The following KPNA6 variants were observed in gnomAD, a reference collection of about 807,000 sequenced individuals.
KPNA6 encodes karyopherin subunit alpha 6.
Under a neutral mutation model 72.0 loss-of-function variants are expected in KPNA6, and 9 were observed. That is an observed-to-expected ratio of 0.13 (90% CI 0.08 to 0.22). The LOEUF is 0.22. KPNA6 is among the 10% of genes least tolerant of loss of function. The probability of loss-of-function intolerance (pLI) is 1.00; values close to 1 mark genes in which losing one functional copy is unlikely to be tolerated. For synonymous variants in KPNA6, 219 were observed against 242.1 expected, an observed-to-expected ratio of 0.90 and a Z score of 0.89; for missense variants, 374 against 655.7, an observed-to-expected ratio of 0.57 and a Z score of 4.69.
intron 13 of KPNA6, among the ~76,000 whole-genome samples, chr1:32,170,401 A>G (rs542686847): frequency 1.3e-5 from 2 of 152,306 alleles, no homozygotes; most frequent in East Asian, 1.9e-4. Flanking sequence ...GGCTGTACCT[A>G]TAAGAGTGCT....
At chr1:32,166,823 A>G (rs1642348464) in intron 11 of KPNA6, among the ~76,000 whole-genome samples, 1 of 151,222 alleles carries the variant, frequency 6.6e-6, no homozygotes, top group South Asian at 2.1e-4. Context: ...CTGTAGTCAC[A>G]GCTAGTCGGG....
At chr1:32,117,765 C>T (rs1641353939) in intron 1 of KPNA6, among the ~76,000 whole-genome samples, 1 of 152,146 alleles carries the variant, frequency 6.6e-6, no homozygotes, top group Admixed American at 6.6e-5. Context: ...GGAGAGGTTT[C>T]AGTAACTTGG....
chr1:32,155,823 T>A (rs1427543400), intron 2 of KPNA6, among the ~76,000 whole-genome samples: 1 of 151,488 alleles, frequency 6.6e-6, no homozygotes, highest in African/African-American at 2.4e-5. Flanking sequence ...CACTGCAGCC[T>A]CAAGCTCCCG....
intron 10 of KPNA6, among the ~76,000 whole-genome samples, chr1:32,165,761 G>A (rs1642321121): frequency 6.6e-6 from 1 of 151,980 alleles, no homozygotes. Context: ...ACTTTGGGAG[G>A]CCGAGGCAGG....
intron 1 of KPNA6, among the ~76,000 whole-genome samples, chr1:32,129,358 GT>G (rs1641596442): frequency 6.6e-6 from 1 of 151,506 alleles, no homozygotes; most frequent in Non-Finnish European, 1.5e-5. Context: ...TAGGGGTGGG[GT>G]TTCGCCATGT....
At chr1:32,114,453 T>A (rs12401811) in intron 1 of KPNA6, among the ~76,000 whole-genome samples, 34,454 of 139,024 alleles carry the variant, frequency 0.25, 5,122 homozygotes, top group African/African-American at 0.46. Context: ...AAAAAAAAAA[T>A]ATATATATAT....
intron 1 of KPNA6, among the ~76,000 whole-genome samples, chr1:32,124,435 GGAGGCCAAGGCGGGAGGATTGCTT>G (rs1641495129): frequency 6.6e-6 from 1 of 151,704 alleles, no homozygotes; most frequent in Admixed American, 6.6e-5. Context: ...CAGCACTTTG[GGAGGCCAAGGCGGGAGGATTGCTT>G]GAGGCCAGGA....
intron 1 of KPNA6, among the ~76,000 whole-genome samples, chr1:32,149,590 G>A (rs1641993032): frequency 6.6e-6 from 1 of 152,152 alleles, no homozygotes; most frequent in South Asian, 2.1e-4. Context: ...GTGTGTCCAT[G>A]TGCCTTATTT....
chr1:32,119,626 C>A (rs1641395523), intron 1 of KPNA6, among the ~76,000 whole-genome samples: 1 of 152,132 alleles, frequency 6.6e-6, no homozygotes, highest in African/African-American at 2.4e-5. Flanking sequence ...ACGGGACAAC[C>A]CTATTTCCTG....
In KPNA6 at chr1:32,175,352, C is replaced by T. The variant is rs1642508118; in HGVS notation, c.*4458C>T. ...CTTCTGATGTCCACATTAGCTCGTA[C>T]CTGAACCCTGTTGCTGAATGCCAGC... On this transcript the variant is annotated 3_prime_UTR_variant, in exon 14 of 14. Transcript: ENST00000373625. 6.6e-6 allele frequency: 1 copy of T among 152,314 alleles called. No homozygotes were observed. Among genetic ancestry groups the T allele is most frequent in the Non-Finnish European group, 1.5e-5 (1 of 68,124 alleles). The allele number at this position is 152,314 out of a possible 1,614,324, so 9.4% of individuals were successfully genotyped here. A position where few individuals can be genotyped will look rare whatever the true frequency, so the allele number is the denominator to read the frequency against.
intron 12 of KPNA6, 35 bp from the exon 13 acceptor site, chr1:32,169,847 A>C: frequency 6.3e-7 from 1 of 1,597,976 alleles, no homozygotes; most frequent in South Asian, 1.1e-5. Context: ...TGTGTCCTGT[A>C]CTAGTTTAGC....
chr1:32,120,825 C>T (rs1201616673), intron 1 of KPNA6, among the ~76,000 whole-genome samples: 1 of 150,920 alleles, frequency 6.6e-6, no homozygotes, highest in Non-Finnish European at 1.5e-5. Context: ...TCTTTGGCCT[C>T]CCACAGTAGT....
intron 1 of KPNA6, among the ~76,000 whole-genome samples, chr1:32,140,160 G>A (rs543480186): frequency 9.2e-5 from 14 of 152,196 alleles, no homozygotes; most frequent in South Asian, 8.3e-4. Context: ...CGAGGCAGGC[G>A]GATCACAAGG....
chr1:32,155,699 T>G (rs542118918), intron 2 of KPNA6, among the ~76,000 whole-genome samples: 27 of 149,084 alleles, frequency 1.8e-4, no homozygotes, highest in South Asian at 2.1e-4. Context: ...GTCACCTGAT[T>G]ATTATTATTT....
chr1:32,158,101 C>T (rs988666018), intron 4 of KPNA6, among the ~76,000 whole-genome samples, 166 bp from the exon 5 acceptor site: 1 of 152,148 alleles, frequency 6.6e-6, no homozygotes, highest in Non-Finnish European at 1.5e-5. Flanking sequence ...CTGTATTATA[C>T]AGTTCAAAGA....
chr1:32,162,307 A>C, intron 8 of KPNA6, 54 bp from the exon 9 acceptor site: 94 of 1,486,476 alleles, frequency 6.3e-5, no homozygotes, highest in Non-Finnish European at 8.1e-5. Flanking sequence ...GGTTCGTGAT[A>C]GAGCTGATAT....
intron 1 of KPNA6, among the ~76,000 whole-genome samples, chr1:32,133,716 G>A (rs1430128362): frequency 6.6e-6 from 1 of 151,890 alleles, no homozygotes; most frequent in African/African-American, 2.4e-5. Flanking sequence ...GCAAAGTGCT[G>A]AAAGAAAAAC....
In KPNA6 at chr1:32,144,500, T is replaced by A. The variant is rs568884610; in HGVS notation, c.5-10088T>A. Among the ~76,000 whole-genome samples, 9 of 152,308 alleles carry A rather than the reference T, an allele frequency of 5.9e-5. No individual in the cohort carries two copies. In the South Asian group the frequency reaches 1.9e-3, roughly 32 times the overall value. On this transcript the variant is annotated intron_variant, in intron 1 of 13. Transcript: ENST00000373625. The stretch of plus-strand genomic sequence containing the variant: ...GATTATATAGTAATTCTTTTTAATT[T>A]TTTTAGGAACTACTATTCTGTTTTC...
At chr1:32,166,972 T>C (rs1225292619) in intron 11 of KPNA6, among the ~76,000 whole-genome samples, 197 bp from the exon 12 acceptor site, 3 of 152,072 alleles carry the variant, frequency 2.0e-5, no homozygotes, top group Non-Finnish European at 4.4e-5. Context: ...TTGGAGTCAG[T>C]GTGTACTATT....
Sources: allele counts gnomAD v4.1 joint callset (sites outside exome capture counted in the v4.1 genomes callset), GRCh38; gene constraint gnomAD v4.1.1; transcripts MANE v1.5; gene names NCBI Gene and HGNC (gene_info 2026-07-23, HGNC 2026-07-21).